Variants in LINGO2 observed in about 807,000 individuals in gnomAD.
The protein encoded by LINGO2 is leucine rich repeat and Ig domain containing 2, also known as leucine-rich repeat and immunoglobulin-like domain-containing nogo receptor-interacting protein 2.
In LINGO2, 14 loss-of-function variants were observed where a neutral mutation model predicts 30.6. The observed-to-expected ratio is 0.46, with a 90% confidence interval of 0.30 to 0.72. LINGO2 has a LOEUF of 0.72. LINGO2 is among the 30% of genes least tolerant of loss of function. The probability of loss-of-function intolerance (pLI) is 0.07; values close to 1 mark genes in which losing one functional copy is unlikely to be tolerated. For synonymous variants in LINGO2, 317 were observed against 288.5 expected (o/e 1.10, Z -1.00); for missense variants, 729 against 751.7 (o/e 0.97, Z 0.35).
intron 1 of LINGO2, among the ~76,000 whole-genome samples, chr9:28,506,848 T>C (rs1038008014): frequency 6.6e-6 from 1 of 151,844 alleles, no homozygotes; most frequent in Non-Finnish European, 1.5e-5. Flanking sequence ...GTATTCCCCC[T>C]GGGAAAACAA....
intron 4 of LINGO2, among the ~76,000 whole-genome samples, chr9:28,125,340 G>A (rs1827206859): frequency 6.6e-6 from 1 of 152,166 alleles, no homozygotes; most frequent in African/African-American, 2.4e-5. Flanking sequence ...AAGTACATCT[G>A]TTTATTTTAG....
chr9:28,983,211 C>G, the LINGO2 span, among the ~76,000 whole-genome samples: 1 of 150,836 alleles, frequency 6.6e-6, no homozygotes, highest in East Asian at 2.0e-4. Context: ...TCAGAAAAAA[C>G]TAAGAATATG....
intron 3 of LINGO2, among the ~76,000 whole-genome samples, chr9:28,370,095 A>G (rs753047316): frequency 2.2e-4 from 33 of 152,208 alleles, no homozygotes; most frequent in Admixed American, 3.9e-4. Context: ...TCTAAGATCT[A>G]TAATAAAAAG....
intron 5 of LINGO2, among the ~76,000 whole-genome samples, chr9:27,958,084 G>A (rs1819665511): frequency 6.6e-6 from 1 of 152,036 alleles, no homozygotes; most frequent in African/African-American, 2.4e-5. Context: ...GTTAGCTGTG[G>A]GTTTTTCATA....
At chr9:28,225,054 G>A (rs1653359323) in intron 4 of LINGO2, among the ~76,000 whole-genome samples, 1 of 152,084 alleles carries the variant, frequency 6.6e-6, no homozygotes, top group South Asian at 2.1e-4. Context: ...GGGAAGACTA[G>A]ATATCCATAT....
chr9:28,226,819 C>T (rs1272974448), intron 4 of LINGO2, among the ~76,000 whole-genome samples: 5 of 152,058 alleles, frequency 3.3e-5, no homozygotes, highest in Non-Finnish European at 7.4e-5. Context: ...GAATGCAGGG[C>T]TATCCAGGAG....
the LINGO2 span, among the ~76,000 whole-genome samples, chr9:28,888,669 G>T: frequency 6.6e-6 from 1 of 152,042 alleles, no homozygotes; most frequent in East Asian, 1.9e-4. Flanking sequence ...TGCTTCCCTT[G>T]GTGGGATTCA....
the LINGO2 span, among the ~76,000 whole-genome samples, chr9:28,893,632 AG>A: frequency 3.3e-5 from 2 of 60,072 alleles, no homozygotes; most frequent in Non-Finnish European, 4.6e-5. Context: ...TATTGTTTTT[AG>A]TTTTTTTCTG....
the LINGO2 span, among the ~76,000 whole-genome samples, chr9:28,768,315 C>A: frequency 6.6e-6 from 1 of 152,124 alleles, no homozygotes; most frequent in African/African-American, 2.4e-5. Context: ...GAACTGGTAT[C>A]TTAATTAAAA....
At chr9:28,215,927 G>C (rs1820752158) in intron 4 of LINGO2, among the ~76,000 whole-genome samples, 1 of 151,866 alleles carries the variant, frequency 6.6e-6, no homozygotes, top group Non-Finnish European at 1.5e-5. Flanking sequence ...CAAACACTGT[G>C]AGCTATGAGA....
At chr9:29,078,858 G>C in the LINGO2 span, among the ~76,000 whole-genome samples, 1 of 151,708 alleles carries the variant, frequency 6.6e-6, no homozygotes, top group African/African-American at 2.4e-5. Flanking sequence ...GTGATTTTAA[G>C]ATGCTCCAAT....
intron 1 of LINGO2, among the ~76,000 whole-genome samples, chr9:28,534,965 CACACT>C (rs1821370098): frequency 2.0e-5 from 3 of 152,020 alleles, no homozygotes; most frequent in Non-Finnish European, 4.4e-5. Context: ...TATACATACA[CACACT>C]TTTTAAAAGC....
At chr9:28,379,094 G>T (rs1821238848) in intron 2 of LINGO2, among the ~76,000 whole-genome samples, 1 of 152,026 alleles carries the variant, frequency 6.6e-6, no homozygotes, top group Non-Finnish European at 1.5e-5. Flanking sequence ...ATTTCCTTTT[G>T]ATATTAAAAA....
chr9:28,835,753 A>G, the LINGO2 span, among the ~76,000 whole-genome samples: 2 of 152,094 alleles, frequency 1.3e-5, no homozygotes, highest in African/African-American at 4.8e-5. Flanking sequence ...CTTCTTTCTC[A>G]TTTGCTAAAA....
chr9:28,496,305 G>T (rs1160476820), intron 1 of LINGO2, among the ~76,000 whole-genome samples: 4 of 152,120 alleles, frequency 2.6e-5, no homozygotes. Flanking sequence ...AAGTCTCTCT[G>T]TAGGTCTCTA....
chr9:28,957,927 A>G, the LINGO2 span, among the ~76,000 whole-genome samples: 1 of 152,218 alleles, frequency 6.6e-6, no homozygotes, highest in Admixed American at 6.5e-5. Flanking sequence ...AATGCTTATA[A>G]TAAGTCTATG....
intron 1 of LINGO2, among the ~76,000 whole-genome samples, chr9:28,582,300 A>T (rs1289696353): frequency 1.3e-5 from 2 of 152,074 alleles, no homozygotes; most frequent in Non-Finnish European, 2.9e-5. Context: ...AAAGAAAAAG[A>T]TTATTGTTTG....
At chr9:28,320,865 G>A (rs1474914910) in intron 3 of LINGO2, among the ~76,000 whole-genome samples, 6 of 152,080 alleles carry the variant, frequency 3.9e-5, no homozygotes, top group Admixed American at 3.9e-4. Context: ...ATCATGGCAG[G>A]ACACTGAAAC....
At chr9:28,269,117 T>C (rs141380042) in intron 4 of LINGO2, among the ~76,000 whole-genome samples, 243 of 152,280 alleles carry the variant, frequency 1.6e-3, no homozygotes, top group African/African-American at 5.6e-3. Flanking sequence ...TCCCTTTTTC[T>C]AGATTTTTGT....
Sources: allele counts gnomAD v4.1 joint callset (sites outside exome capture counted in the v4.1 genomes callset), GRCh38; gene constraint gnomAD v4.1.1; transcripts MANE v1.5; gene names NCBI Gene and HGNC (gene_info 2026-07-23, HGNC 2026-07-21).